Variants in ABCA12 observed in about 807,000 individuals in gnomAD.
ABCA12 encodes the protein glucosylceramide transporter ABCA12.
A neutral mutation model predicts 293.5 loss-of-function variants in ABCA12; 156 were observed. That is an observed-to-expected ratio of 0.53 (90% CI 0.47 to 0.61). The LOEUF is 0.61. ABCA12 is among the 20% of genes least tolerant of loss of function. The pLI is 0.00. For missense variants in ABCA12, 2,797 were observed against 3,090.2 expected (o/e 0.91, Z 2.25); for synonymous variants, 1,063 against 1,108.0 (o/e 0.96, Z 0.81).
In ABCA12 at chr2:215,004,235, T is replaced by A; in HGVS notation, c.2657A>T (p.Glu886Val). The A allele has an allele frequency of 6.2e-7, 1 of 1,613,980 alleles. No homozygotes were observed. Among genetic ancestry groups the A allele is most frequent in the East Asian group, 2.2e-5 (1 of 44,860 alleles). The change falls in exon 20 of 53, where the codon GAA (glutamate) becomes GTA (valine). Residue 886 changes from glutamate (E) to valine (V), a missense_variant. Transcript: ENST00000272895. ...GAGTTCATCTATCTGTTTCAATAGT[T>A]CAACAGCATCGAGTCCCACGGAGAA... ...VKFSVGLDAV[E>V]LLKQIDELDI... is the part of the protein sequence containing the mutation.
At chr2:214,957,217 C>T (rs866202464) in intron 41 of ABCA12, among the ~76,000 whole-genome samples, 13 of 152,216 alleles carry the variant, frequency 8.5e-5, no homozygotes, top group African/African-American at 3.1e-4. Context: ...CTGTGCAAAG[C>T]AGCAGGGCAT....
At chr2:215,074,365 G>A (rs1701794518) in intron 2 of ABCA12, among the ~76,000 whole-genome samples, 1 of 152,144 alleles carries the variant, frequency 6.6e-6, no homozygotes, top group African/African-American at 2.4e-5. Context: ...TACTATTTGT[G>A]GGAGTCCCTC....
chr2:214,936,346 C>A (rs1698218099), intron 51 of ABCA12, among the ~76,000 whole-genome samples: 1 of 152,056 alleles, frequency 6.6e-6, no homozygotes, highest in South Asian at 2.1e-4. Flanking sequence ...AATGTATCAC[C>A]CATGAATAGT....
At chr2:215,038,650 C>T (rs1437756582) in intron 7 of ABCA12, among the ~76,000 whole-genome samples, 4 of 152,208 alleles carry the variant, frequency 2.6e-5, no homozygotes, top group Admixed American at 6.5e-5. Context: ...CCCTAGCAAC[C>T]ATGGAGATCA....
At position 215,081,399 on chromosome 2, in the gene ABCA12, A is replaced by G. The variant is rs1701933711; in HGVS notation, c.164-17180T>C. Among the ~76,000 whole-genome samples the G allele has an allele frequency of 2.0e-5, 3 of 149,200 alleles. No individual in the cohort carries two copies. In the South Asian group the frequency reaches 6.4e-4, roughly 32 times the overall value. ...GTGCTGAGGCAGGAGAATTGCTTGA[A>G]TTCTGGGGAGGCAGAGGTACAGTGA... is the stretch of plus-strand genomic sequence containing the variant. On this transcript the variant is annotated intron_variant, in intron 2 of 52. Coordinates refer to ENST00000272895, the MANE Select transcript of ABCA12 (RefSeq NM_173076.3).
At chr2:215,041,407 C>G (rs1372065903) in intron 7 of ABCA12, among the ~76,000 whole-genome samples, 1 of 152,026 alleles carries the variant, frequency 6.6e-6, no homozygotes, top group Non-Finnish European at 1.5e-5. Flanking sequence ...CAAAAATTAA[C>G]CGGGCATGGT....
In ABCA12 at chr2:215,054,573, C is replaced by T; in HGVS notation, c.409G>A (p.Ala137Thr). Reference protein sequence around the residue: ...QVPERRHASLATVFPSPSSDL... With the variant: ...QVPERRHASLTTVFPSPSSDL... ...AACTCTACAGAAGAAAATAGCTTACCTAGTGATGCATGCCTTCTTTCTGGA... is the reference window on the plus strand; with the variant it reads ...AACTCTACAGAAGAAAATAGCTTACTTAGTGATGCATGCCTTCTTTCTGGA... The change falls in exon 4 of 53, where the codon GCC (alanine) becomes ACC (threonine). Residue 137 changes from alanine to threonine, a missense_variant and splice_region_variant. Around this residue, in one of 3 missense-constraint regions of ABCA12, gnomAD observed 656 missense variants for 638.2 expected, o/e 1.03. Coordinates refer to ENST00000272895, the MANE Select transcript of ABCA12 (RefSeq NM_173076.3). 44 of 1,609,260 alleles carry T rather than the reference C, an allele frequency of 2.7e-5. No homozygotes were observed. Among genetic ancestry groups the T allele is most frequent in the Non-Finnish European group, 3.7e-5 (44 of 1,176,168 alleles).
chr2:215,112,477 G>GTTTTTTTTGT (rs1275229386), intron 1 of ABCA12, among the ~76,000 whole-genome samples: 8 of 127,804 alleles, frequency 6.3e-5, no homozygotes, highest in African/African-American at 2.5e-4. Context: ...ATTTCTTTGG[G>GTTTTTTTTGT]TTTTTTTTGT....
chr2:215,081,416 G>A (rs1305114645), intron 2 of ABCA12, among the ~76,000 whole-genome samples: 1 of 140,764 alleles, frequency 7.1e-6, no homozygotes, highest in African/African-American at 2.7e-5. Flanking sequence ...GGAGGCAGAG[G>A]TACAGTGAGC....
intron 23 of ABCA12, among the ~76,000 whole-genome samples, chr2:214,993,182 C>T (rs556026192): frequency 1.2e-4 from 19 of 152,216 alleles, no homozygotes; most frequent in African/African-American, 4.3e-4. Flanking sequence ...TGTGACTTTC[C>T]CTCTTAACTT....
intron 2 of ABCA12, among the ~76,000 whole-genome samples, chr2:215,079,758 G>A (rs1243608739): frequency 6.6e-6 from 1 of 152,048 alleles, no homozygotes; most frequent in Admixed American, 6.6e-5. Context: ...TTTTAATCTT[G>A]CGTTACTTAA....
At chr2:215,035,414 A>G (rs1257119974) in intron 8 of ABCA12, among the ~76,000 whole-genome samples, 2 of 152,308 alleles carry the variant, frequency 1.3e-5, no homozygotes, top group Non-Finnish European at 2.9e-5. Flanking sequence ...TCATGCCTGT[A>G]ATCCCAGCAC....
chr2:214,996,937 T>G (rs1700047746), intron 23 of ABCA12, among the ~76,000 whole-genome samples: 1 of 152,182 alleles, frequency 6.6e-6, no homozygotes, highest in Non-Finnish European at 1.5e-5. Context: ...TTCCACTCCA[T>G]GAGTGAGTAT....
At chr2:215,034,863 T>G (rs1433694292) in intron 8 of ABCA12, among the ~76,000 whole-genome samples, 1 of 152,204 alleles carries the variant, frequency 6.6e-6, no homozygotes, top group East Asian at 1.9e-4. Flanking sequence ...AAGAGTGGTA[T>G]GAAGCCTACA....
intron 30 of ABCA12, among the ~76,000 whole-genome samples, chr2:214,981,179 C>T (rs919959731): frequency 6.6e-6 from 1 of 151,364 alleles, no homozygotes. Context: ...TATAAATTAA[C>T]AGCAAATAAT....
rs370276162 is a variant in ABCA12 at position 215,019,481 on chromosome 2, A to G, written c.1545-33T>C. 11 of 1,613,008 alleles carry G rather than the reference A, an allele frequency of 6.8e-6. No homozygotes were observed. In the African/African-American group the frequency reaches 1.5e-4, roughly 22 times the overall value. On this transcript the variant is annotated intron_variant, in intron 12 of 52. Coordinates refer to ENST00000272895, the MANE Select transcript of ABCA12 (RefSeq NM_173076.3). ...AAAACAGAAAAGAAGAAATTCAACTAAGTATTTCAATATTTTGAAAGAGAT... is the reference window on the plus strand; with the variant it reads ...AAAACAGAAAAGAAGAAATTCAACTGAGTATTTCAATATTTTGAAAGAGAT...
intron 3 of ABCA12, among the ~76,000 whole-genome samples, chr2:215,057,837 G>T (rs943578450): frequency 2.0e-5 from 3 of 151,924 alleles, no homozygotes; most frequent in Non-Finnish European, 4.4e-5. Context: ...GATTCTGCAA[G>T]GATCCTTAGA....
chr2:214,970,440 T>C lies in ABCA12; in HGVS notation c.5563-40A>G, dbSNP rs961478688. On this transcript the variant is annotated intron_variant, in intron 36 of 52. Coordinates refer to ENST00000272895, the MANE Select transcript of ABCA12 (RefSeq NM_173076.3). ...TAAAAATGAATTTTTTTCTGGCCAA[T>C]GCTGTGCAAGTTAAATAGACAATGT... 1.4e-5 allele frequency: 22 copies of C among 1,610,792 alleles called. No homozygotes were observed. The African/African-American group carries it at 2.8e-4, about 21-fold the overall frequency.
intron 1 of ABCA12, among the ~76,000 whole-genome samples, chr2:215,123,239 T>C (rs921886008): frequency 2.0e-5 from 3 of 152,154 alleles, no homozygotes; most frequent in Admixed American, 2.0e-4. Flanking sequence ...AGTGGCGCAA[T>C]CTCGGCTCAC....
Sources: gnomAD v4.1 joint callset for allele counts (sites outside exome capture counted in the v4.1 genomes callset) on GRCh38, gnomAD v4.1.1 for gene constraint, gnomAD v4.1.1 regional missense constraint, MANE v1.5 for transcripts, NCBI Gene and HGNC (gene_info 2026-07-23, HGNC 2026-07-21) for gene names.